The following ATOX1 variants were observed in gnomAD, a reference collection of about 807,000 sequenced individuals.
The protein encoded by ATOX1 is copper transport protein ATOX1.
In ATOX1, 4 loss-of-function variants were observed where a neutral mutation model predicts 7.3. The ratio of observed to expected loss-of-function variants is 0.55; its 90% CI spans 0.27 to 1.25. The LOEUF is 1.25. Ranked by LOEUF, ATOX1 falls within the 50% of genes most tolerant of loss-of-function variation. The pLI is 0.12. For synonymous variants in ATOX1, 25 were observed against 28.7 expected, an observed-to-expected ratio of 0.87 and a Z score of 0.41; for missense variants, 68 against 81.6, an observed-to-expected ratio of 0.83 and a Z score of 0.64.
intron 1 of ATOX1, among the ~76,000 whole-genome samples, chr5:151,757,070 A>C (rs1762027559): frequency 6.6e-6 from 1 of 152,134 alleles, no homozygotes; most frequent in Non-Finnish European, 1.5e-5. Flanking sequence ...GAAAACTCTC[A>C]GGTAACACAC....
chr5:151,756,973 C>T (rs1423541181), intron 1 of ATOX1, among the ~76,000 whole-genome samples: 4 of 152,180 alleles, frequency 2.6e-5, no homozygotes, highest in African/African-American at 9.7e-5. Context: ...AAGCAACTTG[C>T]CTGAGGTCAC....
chr5:151,753,355 G>T (rs759014987), intron 1 of ATOX1, among the ~76,000 whole-genome samples: 1 of 152,166 alleles, frequency 6.6e-6, no homozygotes, highest in Non-Finnish European at 1.5e-5. Flanking sequence ...ACAAAGTTTT[G>T]GGATAATTAC....
At chr5:151,749,655 C>T (rs754763782) in intron 2 of ATOX1, among the ~76,000 whole-genome samples, 2 of 135,416 alleles carry the variant, frequency 1.5e-5, no homozygotes, top group Non-Finnish European at 3.1e-5. Flanking sequence ...GAGCAAACTC[C>T]ATCTCCAAAA....
rs1285646943 is a variant in ATOX1, at chr5:151,758,625, T to C, written c.-74A>G. On this transcript the variant is annotated 5_prime_UTR_variant, in exon 1 of 4. Transcript: ENST00000313115. Reference sequence around the variant, plus strand: ...CGCCTCTCTGGATTCGGAGGGCGGGTTCGGCTGCGCTTCCGAGAGTGCGCA... The same window carrying C: ...CGCCTCTCTGGATTCGGAGGGCGGGCTCGGCTGCGCTTCCGAGAGTGCGCA... 2 of 1,348,834 alleles carry C rather than the reference T, an allele frequency of 1.5e-6. No homozygotes were observed. The highest frequency in any genetic ancestry group is 1.8e-5 in the South Asian group (1 of 54,060). 83.6% of individuals were successfully genotyped at this position (1,348,834 alleles called of 1,614,324 possible).
chr5:151,753,541 C>T (rs1340675797), intron 1 of ATOX1, among the ~76,000 whole-genome samples: 1 of 152,170 alleles, frequency 6.6e-6, no homozygotes, highest in African/African-American at 2.4e-5. Context: ...AGTCTATTAC[C>T]TCAGTTGGAA....
intron 1 of ATOX1, chr5:151,752,169 C>A: frequency 1.5e-6 from 1 of 685,550 alleles, no homozygotes; most frequent in South Asian, 1.6e-5. Context: ...CTGAGCAATG[C>A]TGATCTGGTG....
chr5:151,757,042 T>C (rs28917173), intron 1 of ATOX1, among the ~76,000 whole-genome samples: 27 of 152,308 alleles, frequency 1.8e-4, no homozygotes, highest in African/African-American at 6.5e-4. Flanking sequence ...AACCCTGTGC[T>C]CTCGGGCATT....
At chr5:151,752,556 C>G (rs1395695041) in intron 1 of ATOX1, 1 of 561,338 alleles carries the variant, frequency 1.8e-6, no homozygotes, top group African/African-American at 2.0e-5. Context: ...AGTGCCTGGA[C>G]AGAGTAGGTG....
chr5:151,751,279 A>AT (rs1761945368), intron 2 of ATOX1, among the ~76,000 whole-genome samples: 1 of 149,996 alleles, frequency 6.7e-6, no homozygotes, highest in Non-Finnish European at 1.5e-5. Context: ...AAAAAAAAAA[A>AT]TTCAATAGAA....
chr5:151,743,869 G>C (rs879901049), intron 3 of ATOX1: 2 of 152,068 alleles, frequency 1.3e-5, no homozygotes, highest in African/African-American at 4.8e-5. Flanking sequence ...CTGAGTGACG[G>C]GTACTTGGGG....
In ATOX1 at chr5:151,758,143, G is replaced by C. The variant is rs10072953; in HGVS notation, c.6+403C>G. Among the ~76,000 whole-genome samples, 487 of 152,352 alleles carry C rather than the reference G, an allele frequency of 3.2e-3. 4 individuals carry two copies. Among genetic ancestry groups the C allele is most frequent in the African/African-American group, 0.011 (465 of 41,576 alleles). On this transcript the variant is annotated intron_variant, in intron 1 of 3. Coordinates refer to ENST00000313115, the MANE Select transcript of ATOX1 (RefSeq NM_004045.4). ...ATAACCGGGTCCACTCCCTTGTCCA[G>C]AGCCTCCCCACCGCCCTCCTTCAGG...
At chr5:151,745,064 G>A (rs1350191807) in intron 3 of ATOX1, 3 of 152,184 alleles carry the variant, frequency 2.0e-5, no homozygotes, top group Non-Finnish European at 4.4e-5. Context: ...TTCTATCTAT[G>A]GATGGAAAGT....
Position 151,749,565 on chromosome 5 carries a change from C to T in ATOX1, c.82+2139G>A, listed in dbSNP as rs181388115. Among the ~76,000 whole-genome samples the T allele has an allele frequency of 7.8e-3, 1,171 of 150,628 alleles. 19 individuals are homozygous for T. Among genetic ancestry groups the T allele is most frequent in the African/African-American group, 0.027 (1,106 of 40,968 alleles). On this transcript the variant is annotated intron_variant, in intron 2 of 3. Coordinates refer to ENST00000313115, the MANE Select transcript of ATOX1 (RefSeq NM_004045.4). ...ACTCGGGAGGCTGAGGCAGGAGAATCGCTTGAACCCGGGGCAGAGTGGAGC... is the reference window on the plus strand; with the variant it reads ...ACTCGGGAGGCTGAGGCAGGAGAATTGCTTGAACCCGGGGCAGAGTGGAGC...
chr5:151,752,424 T>A, intron 1 of ATOX1: 3 of 696,666 alleles, frequency 4.3e-6, no homozygotes, highest in Admixed American at 2.0e-5. Flanking sequence ...CGGCTCCTAG[T>A]CTTCATGTAA....
intron 1 of ATOX1, among the ~76,000 whole-genome samples, chr5:151,754,409 G>T (rs548770497): frequency 2.6e-5 from 4 of 152,216 alleles, no homozygotes; most frequent in Admixed American, 2.6e-4. Flanking sequence ...ACAAGTTTGA[G>T]ACCAGTCTGG....
chr5:151,757,328 T>C (rs1222306894), intron 1 of ATOX1, among the ~76,000 whole-genome samples: 1 of 152,202 alleles, frequency 6.6e-6, no homozygotes, highest in Non-Finnish European at 1.5e-5. Flanking sequence ...CCTGGTGGCC[T>C]TCACTCCCCA....
At chr5:151,752,938 C>T (rs1204632185) in intron 1 of ATOX1, among the ~76,000 whole-genome samples, 3 of 152,140 alleles carry the variant, frequency 2.0e-5, no homozygotes, top group Non-Finnish European at 2.9e-5. Context: ...CCACATGTCT[C>T]GGGTTGGTCT....
intron 1 of ATOX1, chr5:151,752,130 T>A (rs1761957897): frequency 8.1e-6 from 5 of 619,200 alleles, no homozygotes; most frequent in Non-Finnish European, 1.4e-5. Flanking sequence ...GGGCCACCAG[T>A]AACTCTGACA....
chr5:151,751,026 G>A (rs1301992669), intron 2 of ATOX1, among the ~76,000 whole-genome samples: 2 of 151,898 alleles, frequency 1.3e-5, no homozygotes, highest in Non-Finnish European at 2.9e-5. Context: ...GGAGGCCGAG[G>A]CGGGCAGATC....
Sources: gnomAD v4.1 joint callset for allele counts (sites outside exome capture counted in the v4.1 genomes callset) on GRCh38, gnomAD v4.1.1 for gene constraint, MANE v1.5 for transcripts, NCBI Gene and HGNC (gene_info 2026-07-23, HGNC 2026-07-21) for gene names.